The following RNF115 variants were observed in gnomAD, a reference collection of about 807,000 sequenced individuals.
RNF115 encodes the protein ring finger protein 115.
In RNF115, 31 loss-of-function variants were observed where a neutral mutation model predicts 39.2. The ratio of observed to expected loss-of-function variants is 0.79; its 90% CI spans 0.59 to 1.07. RNF115 has a LOEUF of 1.07. Among genes scored for constraint, RNF115 ranks in the 50% least tolerant of loss-of-function variants. The probability of loss-of-function intolerance (pLI) is 0.00; values close to 1 mark genes in which losing one functional copy is unlikely to be tolerated. For synonymous variants in RNF115, 124 were observed against 131.0 expected, an observed-to-expected ratio of 0.95 and a Z score of 0.37; for missense variants, 384 against 381.7, an observed-to-expected ratio of 1.01 and a Z score of -0.05.
At chr1:145,787,554 A>G (rs1553718259) in intron 2 of RNF115, among the ~76,000 whole-genome samples, 3 of 144,320 alleles carry the variant, frequency 2.1e-5, no homozygotes, top group African/African-American at 5.2e-5. Context: ...CCTGGGCAAA[A>G]GAGTGAGACT....
chr1:145,816,624 G>A (rs1261163732), intron 1 of RNF115, among the ~76,000 whole-genome samples: 31 of 134,332 alleles, frequency 2.3e-4, no homozygotes, highest in Admixed American at 1.4e-3. Flanking sequence ...CCCATTGAAT[G>A]GGTGAAGAAA....
intron 1 of RNF115, among the ~76,000 whole-genome samples, chr1:145,789,469 G>T (rs946880191): frequency 6.6e-6 from 1 of 151,574 alleles, no homozygotes; most frequent in Non-Finnish European, 1.5e-5. Context: ...CATGATCTCG[G>T]CTCACGGCAA....
chr1:145,823,620 T>C, intron 1 of RNF115, 152 bp downstream of exon 1: 2 of 557,482 alleles, frequency 3.6e-6, no homozygotes, highest in Non-Finnish European at 5.9e-6. Context: ...ATGCCCAGGG[T>C]TTAGGGCCGG....
Position 145,742,840 on chromosome 1 carries a change from C to G in RNF115, c.*4026G>C, listed in dbSNP as rs940116590. 4 of 152,142 alleles carry G rather than the reference C, an allele frequency of 2.6e-5. No homozygotes were observed. The highest frequency in any genetic ancestry group is 4.4e-5 in the Non-Finnish European group (3 of 68,036). 9.4% of individuals were successfully genotyped at this position (152,142 alleles called of 1,614,324 possible). On this transcript the variant is annotated 3_prime_UTR_variant, in exon 9 of 9. Coordinates refer to ENST00000582693, the MANE Select transcript of RNF115 (RefSeq NM_014455.4). ...TTCCTTCTAACTTGAGAACCAATTC[C>G]TGGACCAATTCCTGCTCAAAGAAAA...
intron 1 of RNF115, among the ~76,000 whole-genome samples, chr1:145,801,880 CA>C (rs1649264303): frequency 6.6e-6 from 1 of 152,084 alleles, no homozygotes; most frequent in Non-Finnish European, 1.5e-5. Flanking sequence ...CTCTGCCTCC[CA>C]GGCTCCAGAG....
In RNF115 at chr1:145,790,447, T is replaced by C. The variant is rs587689670; in HGVS notation, c.103-1481A>G. The stretch of plus-strand genomic sequence containing the variant: ...GAGCCACTGCGCCCGGCCTTTTTTT[T>C]TTAAGACAGAGTTTCGCTCTTGCTG... On this transcript the variant is annotated intron_variant, in intron 1 of 8. Transcript: ENST00000582693. Among the ~76,000 whole-genome samples, 5 of 151,950 alleles carry C rather than the reference T, an allele frequency of 3.3e-5. No individual in the cohort carries two copies. The South Asian group carries it at 1.0e-3, about 32-fold the overall frequency.
intron 4 of RNF115, among the ~76,000 whole-genome samples, chr1:145,759,526 C>T (rs1553713601): frequency 6.6e-6 from 1 of 152,174 alleles, no homozygotes; most frequent in Admixed American, 6.5e-5. Context: ...TGAATATTGC[C>T]AAACTGCATC....
chr1:145,766,995 C>T (rs1157734284), intron 4 of RNF115, among the ~76,000 whole-genome samples: 1 of 141,566 alleles, frequency 7.1e-6, no homozygotes, highest in Non-Finnish European at 1.5e-5. Context: ...CAGAGGGGCT[C>T]CTCACTTCCC....
intron 1 of RNF115, among the ~76,000 whole-genome samples, chr1:145,801,366 C>G (rs1649236885): frequency 6.6e-6 from 1 of 151,966 alleles, no homozygotes; most frequent in Admixed American, 6.6e-5. Flanking sequence ...GCCAGGAGTT[C>G]GAGCCTGGCC....
intron 1 of RNF115, among the ~76,000 whole-genome samples, chr1:145,809,849 AAGC>A (rs1458671879): frequency 7.4e-6 from 1 of 135,416 alleles, no homozygotes; most frequent in East Asian, 2.2e-4. Flanking sequence ...CAGGTACAAA[AAGC>A]AGAAAGTGGC....
intron 1 of RNF115, among the ~76,000 whole-genome samples, chr1:145,817,948 C>T (rs1650062445): frequency 7.8e-6 from 1 of 127,916 alleles, no homozygotes; most frequent in Admixed American, 8.1e-5. Context: ...TTTTAAATAG[C>T]TGTATAGTAT....
intron 1 of RNF115, among the ~76,000 whole-genome samples, chr1:145,807,576 A>G (rs944097814): frequency 5.3e-5 from 8 of 152,186 alleles, no homozygotes; most frequent in Non-Finnish European, 8.8e-5. Context: ...ATTGCTACAG[A>G]TATCTGTAAA....
Position 145,764,613 on chromosome 1 carries a change from C to T in RNF115, c.428+7098G>A, listed in dbSNP as rs587653961. 9.0e-4 allele frequency among the ~76,000 whole-genome samples: 136 copies of T among 151,720 alleles called. 1 individual carries two copies. Among genetic ancestry groups the T allele is most frequent in the African/African-American group, 3.1e-3 (129 of 41,426 alleles). On this transcript the variant is annotated intron_variant, in intron 4 of 8. Coordinates refer to ENST00000582693, the MANE Select transcript of RNF115 (RefSeq NM_014455.4). ...GATCCCCTCCGCCCGGCAGCCGCCC[C>T]GTCTGGGAAGTGAGGAGCCCCTCCA...
At position 145,745,223 on chromosome 1, in the gene RNF115, G is replaced by C. The variant is rs1421999551; in HGVS notation, c.*1643C>G. 6 of 152,186 alleles carry C rather than the reference G, an allele frequency of 3.9e-5. No homozygotes were observed. The East Asian group carries it at 1.2e-3, about 29-fold the overall frequency. The allele number at this position is 152,186 out of a possible 1,614,324, so 9.4% of individuals were successfully genotyped here. ...GCACTTTGAGAGGTTGAGGCAGGCA[G>C]ATCACTTGAGCCCAGGAGTTTGAGA... On this transcript the variant is annotated 3_prime_UTR_variant, in exon 9 of 9. Transcript: ENST00000582693.
chr1:145,766,354 C>T (rs1647274433), intron 4 of RNF115, among the ~76,000 whole-genome samples: 1 of 152,176 alleles, frequency 6.6e-6, no homozygotes, highest in Non-Finnish European at 1.5e-5. Flanking sequence ...AAGAATTTTT[C>T]TTAGTACAGA....
In RNF115 at chr1:145,824,037, C is replaced by T. The variant is rs1270526373; in HGVS notation, c.-164G>A. ...TTGGCCAGGCCCAGAAACGCGGCGG[C>T]GCCAACAGCTACCCTGCGGCCCGCC... On this transcript the variant is annotated 5_prime_UTR_variant, in exon 1 of 9. Coordinates refer to ENST00000582693, the MANE Select transcript of RNF115 (RefSeq NM_014455.4). 7.9e-6 allele frequency: 4 copies of T among 505,984 alleles called. No homozygotes were observed. Among genetic ancestry groups the T allele is most frequent in the Non-Finnish European group, 1.4e-5 (4 of 296,086 alleles). The allele number at this position is 505,984 out of a possible 1,614,324, so 31.3% of individuals were successfully genotyped here.
At chr1:145,804,797 A>C (rs1649394794) in intron 1 of RNF115, among the ~76,000 whole-genome samples, 2 of 152,166 alleles carry the variant, frequency 1.3e-5, no homozygotes, top group Non-Finnish European at 2.9e-5. Context: ...ATTTTTCAGA[A>C]CCATTAATAT....
intron 1 of RNF115, among the ~76,000 whole-genome samples, chr1:145,808,070 TAC>T (rs1491050064): frequency 5.6e-5 from 8 of 143,244 alleles, no homozygotes; most frequent in African/African-American, 2.1e-4. Context: ...TATATATATA[TAC>T]CACATTTTCT....
intron 1 of RNF115, among the ~76,000 whole-genome samples, chr1:145,793,325 A>G (rs587728844): frequency 6.6e-6 from 1 of 152,368 alleles, no homozygotes; most frequent in South Asian, 2.1e-4. Context: ...TCAAAAAATA[A>G]TAACAATAAT....
Sources: gnomAD v4.1 joint callset for allele counts (sites outside exome capture counted in the v4.1 genomes callset) on GRCh38, gnomAD v4.1.1 for gene constraint, MANE v1.5 for transcripts, NCBI Gene and HGNC (gene_info 2026-07-23, HGNC 2026-07-21) for gene names.